Variants in CLEC16A observed in about 807,000 individuals in gnomAD.
CLEC16A encodes protein CLEC16A.
In CLEC16A, 51 loss-of-function variants were observed where a neutral mutation model predicts 109.5. That is an observed-to-expected ratio of 0.47 (90% CI 0.37 to 0.59). The LOEUF is 0.59. Among genes scored for constraint, CLEC16A ranks in the 20% least tolerant of loss-of-function variants. The pLI, the probability that CLEC16A is intolerant of heterozygous loss-of-function variation, is 0.00. For missense variants in CLEC16A, 1,339 were observed against 1,394.0 expected (o/e 0.96, Z 0.63); for synonymous variants, 673 against 564.2 (o/e 1.19, Z -2.73).
intron 11 of CLEC16A, among the ~76,000 whole-genome samples, chr16:11,015,259 G>C (rs189737213): frequency 6.6e-6 from 1 of 152,166 alleles, no homozygotes; most frequent in Non-Finnish European, 1.5e-5. Flanking sequence ...GTCACAGCCA[G>C]GGTGTGGAAA....
At position 10,944,770 on chromosome 16, in the gene CLEC16A, G is replaced by A; in HGVS notation, c.53G>A (p.Arg18His). The change falls in exon 1 of 24, where the codon CGC (arginine) becomes CAC (histidine). Residue 18 changes from arginine (R) to histidine (H), a missense_variant. Arg to His is a conservative substitution (Grantham distance 29). Coordinates refer to ENST00000409790, the MANE Select transcript of CLEC16A (RefSeq NM_015226.3). Reference sequence around the variant, plus strand: ...GGCGGGGGCCATGGCAAGACTTCCCGCAACATCCACTCCTTGGACCACCTC... The same window carrying A: ...GGCGGGGGCCATGGCAAGACTTCCCACAACATCCACTCCTTGGACCACCTC... ...WVGGGHGKTS[R>H]NIHSLDHLKY... 5 of 1,609,564 alleles carry A rather than the reference G, an allele frequency of 3.1e-6. No individual in the cohort carries two copies. The highest frequency in any genetic ancestry group is 4.2e-6 in the Non-Finnish European group (5 of 1,178,764).
intron 19 of CLEC16A, among the ~76,000 whole-genome samples, chr16:11,106,267 C>T (rs2051213282): frequency 6.6e-6 from 1 of 152,094 alleles, no homozygotes; most frequent in South Asian, 2.1e-4. Flanking sequence ...GTCTACTTGT[C>T]TTATCACGTA....
At position 11,123,666 on chromosome 16, in the gene CLEC16A, C is replaced by T. The variant is rs561917180; in HGVS notation, c.2269-76C>T. 2.1e-6 allele frequency: 3 copies of T among 1,411,030 alleles called. 1 individual carries two copies. In the South Asian group the frequency reaches 3.5e-5, roughly 17 times the overall value. The allele number at this position is 1,411,030 out of a possible 1,614,324, so 87.4% of individuals were successfully genotyped here. ...AATTTGGAGACCTCTTTCTAGATGC[C>T]TCATGATGCCACAGCTCCTAGCCAC... is the stretch of plus-strand genomic sequence containing the variant. On this transcript the variant is annotated intron_variant, in intron 20 of 23. Coordinates refer to ENST00000409790, the MANE Select transcript of CLEC16A (RefSeq NM_015226.3).
At chr16:10,985,106 G>A (rs1253286664) in intron 10 of CLEC16A, among the ~76,000 whole-genome samples, 1 of 151,262 alleles carries the variant, frequency 6.6e-6, no homozygotes, top group Non-Finnish European at 1.5e-5. Context: ...GGGAGGCTGA[G>A]GCAGGAGAAT....
At chr16:11,093,206 G>T (rs1382452950) in intron 19 of CLEC16A, among the ~76,000 whole-genome samples, 1 of 152,218 alleles carries the variant, frequency 6.6e-6, no homozygotes, top group Non-Finnish European at 1.5e-5. Flanking sequence ...CAGCACAGCA[G>T]AGTGAGAGAG....
chr16:10,958,730 C>G (rs1481111162), intron 2 of CLEC16A, among the ~76,000 whole-genome samples: 1 of 152,090 alleles, frequency 6.6e-6, no homozygotes, highest in Non-Finnish European at 1.5e-5. Context: ...ATACAGAGAC[C>G]TCGTCTCTAC....
intron 19 of CLEC16A, among the ~76,000 whole-genome samples, chr16:11,064,929 C>T (rs1283642722): frequency 6.6e-6 from 1 of 152,200 alleles, no homozygotes; most frequent in African/African-American, 2.4e-5. Flanking sequence ...CTGCTGAATA[C>T]GCAAGCTGAA....
chr16:11,055,869 G>A lies in CLEC16A; in HGVS notation c.1995+4228G>A, dbSNP rs571100444. ...CTCCCATGGTGCTGGGATTACAGGC[G>A]TGAGCCACCATGCCCAGCCCTCTCT... On this transcript the variant is annotated intron_variant, in intron 18 of 23. Transcript: ENST00000409790. 2.2e-4 allele frequency among the ~76,000 whole-genome samples: 33 copies of A among 152,178 alleles called. No individual in the cohort carries two copies. In the South Asian group the frequency reaches 4.3e-3, roughly 20 times the overall value.
chr16:11,141,906 G>T (rs1372378049), intron 22 of CLEC16A, among the ~76,000 whole-genome samples: 1 of 152,220 alleles, frequency 6.6e-6, no homozygotes, highest in Non-Finnish European at 1.5e-5. Context: ...AGGCTTGAGA[G>T]GTGAGCTGAC....
chr16:11,148,715 C>G (rs1376122652), intron 22 of CLEC16A, among the ~76,000 whole-genome samples: 1 of 152,178 alleles, frequency 6.6e-6, no homozygotes, highest in African/African-American at 2.4e-5. Flanking sequence ...GTGCTCCATC[C>G]CCTGTATGGC....
intron 8 of CLEC16A, 149 bp from the exon 9 acceptor site, chr16:10,979,180 G>C: frequency 1.6e-6 from 1 of 617,316 alleles, no homozygotes; most frequent in Non-Finnish European, 2.8e-6. Context: ...CTTTTGAGTA[G>C]CACCAAGAAA....
intron 19 of CLEC16A, among the ~76,000 whole-genome samples, chr16:11,116,860 T>C (rs1041884420): frequency 6.6e-6 from 1 of 152,188 alleles, no homozygotes; most frequent in Non-Finnish European, 1.5e-5. Flanking sequence ...ACAACTGGGA[T>C]GTGGTAATAC....
intron 22 of CLEC16A, among the ~76,000 whole-genome samples, chr16:11,132,937 G>A (rs901530506): frequency 6.6e-6 from 1 of 152,162 alleles, no homozygotes; most frequent in Non-Finnish European, 1.5e-5. Context: ...CCTAAGGCCA[G>A]GGTATTTCTG....
intron 10 of CLEC16A, among the ~76,000 whole-genome samples, chr16:10,993,147 T>G (rs1269587060): frequency 6.6e-6 from 1 of 152,092 alleles, no homozygotes; most frequent in African/African-American, 2.4e-5. Flanking sequence ...ATCCCACCAC[T>G]TTGGGAGGCC....
Position 11,123,814 on chromosome 16 carries a change from C to A in CLEC16A, c.2341C>A (p.Pro781Thr). The change falls in exon 21 of 24, where the codon CCC (proline) becomes ACC (threonine). Residue 781 changes from proline (P) to threonine (T), a missense_variant. Transcript: ENST00000409790. ...CACCATCCACAAGCCTGCGTCCAGCCCCCATTCCAAGCCCTTCCCCATCCT... is the reference window on the plus strand; with the variant it reads ...CACCATCCACAAGCCTGCGTCCAGCACCCATTCCAAGCCCTTCCCCATCCT... Reference protein sequence around the residue: ...NITIHKPASSPHSKPFPILQA... With the variant: ...NITIHKPASSTHSKPFPILQA... 6.2e-7 allele frequency: 1 copy of A among 1,614,056 alleles called. No homozygotes were observed. Among genetic ancestry groups the A allele is most frequent in the South Asian group, 1.1e-5 (1 of 91,090 alleles).
At chr16:11,137,377 T>A (rs1462650058) in intron 22 of CLEC16A, among the ~76,000 whole-genome samples, 1 of 151,920 alleles carries the variant, frequency 6.6e-6, no homozygotes, top group Non-Finnish European at 1.5e-5. Flanking sequence ...TGCCTTAAAA[T>A]CTCTCTGACT....
intron 7 of CLEC16A, among the ~76,000 whole-genome samples, chr16:10,976,346 C>T (rs2043029540): frequency 6.8e-6 from 1 of 147,446 alleles, no homozygotes. Flanking sequence ...CTTGTTTTTA[C>T]TTTTTTTTTT....
intron 18 of CLEC16A, among the ~76,000 whole-genome samples, chr16:11,053,354 C>T (rs941796012): frequency 6.6e-6 from 1 of 152,058 alleles, no homozygotes; most frequent in African/African-American, 2.4e-5. Flanking sequence ...ATTATTATCC[C>T]CATTTTACAG....
At chr16:11,046,275 C>G (rs1284101989) in intron 16 of CLEC16A, among the ~76,000 whole-genome samples, 1 of 152,080 alleles carries the variant, frequency 6.6e-6, no homozygotes. Flanking sequence ...TTCTCCCAAC[C>G]CAGATTTTTC....
Sources: allele counts gnomAD v4.1 joint callset (sites outside exome capture counted in the v4.1 genomes callset), GRCh38; gene constraint gnomAD v4.1.1; transcripts MANE v1.5; gene names NCBI Gene and HGNC (gene_info 2026-07-23, HGNC 2026-07-21).